TOM1L2: variants seen among roughly 807,000 people sequenced by gnomAD.
TOM1L2 encodes TOM1-like protein 2.
Under a neutral mutation model 67.9 loss-of-function variants are expected in TOM1L2, and 31 were observed. The ratio of observed to expected loss-of-function variants is 0.46; its 90% CI spans 0.34 to 0.62. TOM1L2 has a LOEUF of 0.62. Among genes scored for constraint, TOM1L2 ranks in the 20% least tolerant of loss-of-function variants. The probability of loss-of-function intolerance (pLI) is 0.01; values close to 1 mark genes in which losing one functional copy is unlikely to be tolerated. For synonymous variants in TOM1L2, 256 were observed against 254.0 expected, an observed-to-expected ratio of 1.01 and a Z score of -0.07; for missense variants, 606 against 663.5, an observed-to-expected ratio of 0.91 and a Z score of 0.95.
intron 14 of TOM1L2, among the ~76,000 whole-genome samples, chr17:17,848,590 T>C (rs1198067709): frequency 2.6e-5 from 4 of 152,228 alleles, no homozygotes; most frequent in Non-Finnish European, 5.9e-5. Context: ...CTCTGCAACT[T>C]TGTGGAATTG....
At chr17:17,955,524 A>G (rs2041400658) in intron 1 of TOM1L2, among the ~76,000 whole-genome samples, 1 of 152,020 alleles carries the variant, frequency 6.6e-6, no homozygotes, top group African/African-American at 2.4e-5. Context: ...TATTTTTAGC[A>G]GAGACAGGGT....
chr17:17,863,938 C>T (rs945505657), intron 10 of TOM1L2, among the ~76,000 whole-genome samples: 1 of 152,136 alleles, frequency 6.6e-6, no homozygotes, highest in Non-Finnish European at 1.5e-5. Flanking sequence ...ATGATCTCAG[C>T]TCACTGCAGC....
In TOM1L2 at chr17:17,882,718, G is replaced by T; in HGVS notation, c.647C>A (p.Ala216Asp). Residue 216 changes from alanine (A) to aspartate (D), a missense_variant, in exon 6 of 15, where the codon GCC (alanine) becomes GAC (aspartate). By Grantham distance (126) the Ala-to-Asp change is moderately radical. Around this residue, in one of 2 missense-constraint regions of TOM1L2, gnomAD observed 543 missense variants for 554.0 expected, o/e 0.98. Transcript: ENST00000379504. ...PALSVTGPIT[A>D]NSEQIARLRS... ...GTATGCAAGTACCTGTTCTGAATTG[G>T]CTGTGATGGGGCCAGTCACACTCAG... 6.2e-7 allele frequency: 1 copy of T among 1,614,168 alleles called. No individual in the cohort carries two copies. The highest frequency in any genetic ancestry group is 8.5e-7 in the Non-Finnish European group (1 of 1,180,014).
At chr17:17,912,662 T>C (rs1456491100) in intron 1 of TOM1L2, among the ~76,000 whole-genome samples, 6 of 139,122 alleles carry the variant, frequency 4.3e-5, no homozygotes, top group Admixed American at 1.4e-4. Context: ...ACTTCCTAGG[T>C]GGGATGGCGG....
In TOM1L2 at chr17:17,846,745, T is replaced by C. The variant is rs1440007567; in HGVS notation, c.*890A>G. ...AGGCCACAGCACTGAGTGTGGCCCA[T>C]GTGCACATCTGTGACACTTCCCCAG... is the stretch of plus-strand genomic sequence containing the variant. On this transcript the variant is annotated 3_prime_UTR_variant, in exon 15 of 15. Transcript: ENST00000379504. 6.6e-6 allele frequency: 1 copy of C among 152,300 alleles called. No individual in the cohort carries two copies. Among genetic ancestry groups the C allele is most frequent in the East Asian group, 1.9e-4 (1 of 5,188 alleles). The allele number at this position is 152,300 out of a possible 1,614,324, so 9.4% of individuals were successfully genotyped here.
chr17:17,936,023 G>T (rs2040501284), intron 1 of TOM1L2, among the ~76,000 whole-genome samples: 1 of 152,174 alleles, frequency 6.6e-6, no homozygotes, highest in African/African-American at 2.4e-5. Flanking sequence ...TCATGTCACT[G>T]GCCTGCATTT....
chr17:17,912,845 T>C (rs1229224686), intron 1 of TOM1L2, among the ~76,000 whole-genome samples: 3 of 150,700 alleles, frequency 2.0e-5, no homozygotes, highest in Non-Finnish European at 4.4e-5. Context: ...GGCTGGGAGT[T>C]GGAGGTTGTA....
In TOM1L2 at chr17:17,966,129, A is replaced by C. The variant is rs531974298; in HGVS notation, c.52+6133T>G. On this transcript the variant is annotated intron_variant, in intron 1 of 14. Coordinates refer to ENST00000379504, the MANE Select transcript of TOM1L2 (RefSeq NM_001082968.2). The stretch of plus-strand genomic sequence containing the variant: ...GAGCAAGACTCCATCTGGAAAACAA[A>C]GAAACAAAAAAACAAACAAAAAACC... Among the ~76,000 whole-genome samples the C allele has an allele frequency of 3.3e-5, 5 of 152,292 alleles. No homozygotes were observed. The East Asian group carries it at 7.7e-4, about 23-fold the overall frequency.
intron 1 of TOM1L2, among the ~76,000 whole-genome samples, chr17:17,942,790 A>C (rs1453271008): frequency 6.6e-6 from 1 of 152,218 alleles, no homozygotes; most frequent in East Asian, 1.9e-4. Flanking sequence ...TAGAAAAGGA[A>C]GCAGTCAGAA....
intron 7 of TOM1L2, chr17:17,869,740 A>T: frequency 9.1e-7 from 1 of 1,104,140 alleles, no homozygotes; most frequent in Non-Finnish European, 1.1e-6. Flanking sequence ...CAAATCATTA[A>T]AAAATATTAA....
intron 4 of TOM1L2, among the ~76,000 whole-genome samples, chr17:17,892,761 C>T (rs1455914307): frequency 1.3e-5 from 2 of 152,186 alleles, no homozygotes; most frequent in Non-Finnish European, 2.9e-5. Flanking sequence ...CCTGGTGACT[C>T]CCTTCTAACA....
intron 4 of TOM1L2, among the ~76,000 whole-genome samples, chr17:17,892,263 A>C (rs2038326541): frequency 6.6e-6 from 1 of 152,098 alleles, no homozygotes; most frequent in African/African-American, 2.4e-5. Flanking sequence ...CCCATCTGAG[A>C]GCCCGGCCTG....
At chr17:17,952,376 CTTTTTTTTTTTTTTTTTTT>C (rs60388742) in intron 1 of TOM1L2, among the ~76,000 whole-genome samples, 5 of 79,920 alleles carry the variant, frequency 6.3e-5, no homozygotes, top group African/African-American at 1.3e-4. Context: ...TCTTTATTTT[CTTTTTTTTTTTTTTTTTTT>C]TTTTTTTTTT....
At chr17:17,929,278 T>G (rs2040227641) in intron 1 of TOM1L2, among the ~76,000 whole-genome samples, 1 of 152,150 alleles carries the variant, frequency 6.6e-6, no homozygotes, top group African/African-American at 2.4e-5. Context: ...TTTCTCCATC[T>G]CTTCTGCTTA....
intron 1 of TOM1L2, among the ~76,000 whole-genome samples, chr17:17,949,301 A>G (rs1311326675): frequency 6.6e-6 from 1 of 152,166 alleles, no homozygotes; most frequent in Non-Finnish European, 1.5e-5. Flanking sequence ...ATTACTGAAC[A>G]TCTAGCACGG....
In TOM1L2 at chr17:17,846,744, A is replaced by G. The variant is rs2035662993; in HGVS notation, c.*891T>C. The G allele has an allele frequency of 1.3e-5, 2 of 152,332 alleles. No homozygotes were observed. The highest frequency in any genetic ancestry group is 4.8e-5 in the African/African-American group (2 of 41,452). 9.4% of individuals were successfully genotyped at this position (152,332 alleles called of 1,614,324 possible). A position where few individuals can be genotyped will look rare whatever the true frequency, so the allele number is the denominator to read the frequency against. On this transcript the variant is annotated 3_prime_UTR_variant, in exon 15 of 15. Coordinates refer to ENST00000379504, the MANE Select transcript of TOM1L2 (RefSeq NM_001082968.2). ...CAGGCCACAGCACTGAGTGTGGCCC[A>G]TGTGCACATCTGTGACACTTCCCCA...
intron 1 of TOM1L2, among the ~76,000 whole-genome samples, chr17:17,909,088 G>A (rs1284631003): frequency 6.6e-6 from 1 of 152,204 alleles, no homozygotes; most frequent in Non-Finnish European, 1.5e-5. Context: ...GGCTGAGGCA[G>A]GAGAATGGCG....
At chr17:17,894,307 G>A (rs1455659195) in intron 3 of TOM1L2, among the ~76,000 whole-genome samples, 1 of 152,196 alleles carries the variant, frequency 6.6e-6, no homozygotes, top group African/African-American at 2.4e-5. Flanking sequence ...CCCTGCTTCT[G>A]CAACCAAAAT....
At chr17:17,937,619 C>T (rs2040560630) in intron 1 of TOM1L2, among the ~76,000 whole-genome samples, 1 of 152,220 alleles carries the variant, frequency 6.6e-6, no homozygotes, top group Non-Finnish European at 1.5e-5. Flanking sequence ...GTATCATGTG[C>T]TCTCAGCTCA....
Sources: allele counts gnomAD v4.1 joint callset (sites outside exome capture counted in the v4.1 genomes callset), GRCh38; gene constraint gnomAD v4.1.1; regional missense constraint gnomAD v4.1.1; transcripts MANE v1.5; gene names NCBI Gene and HGNC (gene_info 2026-07-23, HGNC 2026-07-21).